The following RBM44 variants were observed in gnomAD, a reference collection of about 807,000 sequenced individuals.
RBM44 encodes RNA binding motif protein 44.
A neutral mutation model predicts 105.1 loss-of-function variants in RBM44; 66 were observed. The ratio of observed to expected loss-of-function variants is 0.63; its 90% CI spans 0.52 to 0.77. RBM44 has a LOEUF of 0.77. RBM44 is among the 30% of genes least tolerant of loss of function. The pLI is 0.00. For synonymous variants in RBM44, 365 were observed against 417.6 expected (o/e 0.87, Z 1.54); for missense variants, 1,122 against 1,207.8 (o/e 0.93, Z 1.05).
intron 8 of RBM44, among the ~76,000 whole-genome samples, chr2:237,822,481 G>A (rs1647753275): frequency 6.6e-6 from 1 of 152,034 alleles, no homozygotes; most frequent in African/African-American, 2.4e-5. Flanking sequence ...CTGCTTTTCT[G>A]ACCTTGGTTT....
intron 1 of RBM44, among the ~76,000 whole-genome samples, chr2:237,807,221 T>G (rs1436117206): frequency 6.6e-6 from 1 of 152,214 alleles, no homozygotes; most frequent in Non-Finnish European, 1.5e-5. Flanking sequence ...CAATCTTGGC[T>G]CACTGCAACC....
chr2:237,817,949 A>G lies in RBM44; in HGVS notation c.1030A>G (p.Asn344Asp). ...AAATGAAGGTAAAGATTTTTGTGGA[A>G]ATAAAATTGTTGAGAACAAAATATT... ...QINEGKDFCG[N>D]KIVENKILLH... Residue 344 changes from asparagine (N) to aspartate (D), a missense_variant, in exon 3 of 16, where the codon AAT (asparagine) becomes GAT (aspartate). Asn to Asp is a conservative substitution (Grantham distance 23). Transcript: ENST00000316997. 1 of 1,603,552 alleles carries G rather than the reference A, an allele frequency of 6.2e-7. No homozygotes were observed. Among genetic ancestry groups the G allele is most frequent in the Non-Finnish European group, 8.5e-7 (1 of 1,176,852 alleles).
intron 15 of RBM44, 106 bp downstream of exon 15, chr2:237,834,529 A>G (rs1390778616): frequency 9.2e-6 from 5 of 540,558 alleles, no homozygotes; most frequent in Non-Finnish European, 1.5e-5. Context: ...AAATAATAAT[A>G]TAATCACAAA....
chr2:237,838,772 A>G (rs1168129487), intron 15 of RBM44, among the ~76,000 whole-genome samples: 2 of 152,326 alleles, frequency 1.3e-5, no homozygotes, highest in South Asian at 2.1e-4. Context: ...GAAAAGGTAC[A>G]TAAGGTAAAG....
chr2:237,825,052 T>A (rs963804950), intron 10 of RBM44, among the ~76,000 whole-genome samples: 44 of 152,098 alleles, frequency 2.9e-4, no homozygotes, highest in Admixed American at 1.8e-3. Flanking sequence ...ATGGTTTTTT[T>A]AATAAAATTT....
At chr2:237,810,824 AG>A (rs2061651444) in intron 1 of RBM44, among the ~76,000 whole-genome samples, 1 of 152,250 alleles carries the variant, frequency 6.6e-6, no homozygotes, top group Non-Finnish European at 1.5e-5. Context: ...GATGCTTAGG[AG>A]GATCTGAGGG....
At chr2:237,836,659 A>C (rs1305458417) in intron 15 of RBM44, among the ~76,000 whole-genome samples, 1 of 151,944 alleles carries the variant, frequency 6.6e-6, no homozygotes, top group Admixed American at 6.6e-5. Context: ...GTGCACCTAT[A>C]GTCCCAGCTA....
chr2:237,822,626 T>C (rs1460156427), intron 8 of RBM44, among the ~76,000 whole-genome samples: 1 of 152,088 alleles, frequency 6.6e-6, no homozygotes, highest in Non-Finnish European at 1.5e-5. Flanking sequence ...TTAAAAAATC[T>C]CAGTTATCCA....
chr2:237,799,597 C>T (rs546286901), intron 1 of RBM44, among the ~76,000 whole-genome samples: 2 of 152,058 alleles, frequency 1.3e-5, no homozygotes, highest in Admixed American at 6.6e-5. Flanking sequence ...TGAGCCACCG[C>T]GCCCGGCCAG....
Position 237,803,320 on chromosome 2 carries a change from TACTC to T in RBM44, c.-19+4460_-19+4463del, listed in dbSNP as rs768868519. ...AGAGCGAGACACACACACACACACA[TACTC>T]TCTCTCTCACACACACACACATACT... On this transcript the variant is annotated intron_variant, in intron 1 of 15. Coordinates refer to ENST00000316997, the MANE Select transcript of RBM44 (RefSeq NM_001080504.3). The surrounding 1 kb of genome is among the most constrained non-coding windows in gnomAD (Gnocchi z 4.2). Among the ~76,000 whole-genome samples the T allele has an allele frequency of 5.4e-5, 8 of 148,076 alleles. No individual in the cohort carries two copies. The South Asian group carries it at 6.4e-4, about 12-fold the overall frequency.
chr2:237,837,647 A>G (rs2061973075), intron 15 of RBM44, among the ~76,000 whole-genome samples: 1 of 151,860 alleles, frequency 6.6e-6, no homozygotes, highest in African/African-American at 2.4e-5. Flanking sequence ...CTTATTGTGG[A>G]TAAGCAAAGA....
chr2:237,802,188 C>G (rs1246814605), intron 1 of RBM44, among the ~76,000 whole-genome samples: 3 of 152,172 alleles, frequency 2.0e-5, no homozygotes, highest in Non-Finnish European at 4.4e-5. Flanking sequence ...TAGGTTAAGT[C>G]TTGTATGTTT....
intron 2 of RBM44, among the ~76,000 whole-genome samples, chr2:237,816,430 C>G (rs1329361798): frequency 6.6e-6 from 1 of 152,114 alleles, no homozygotes; most frequent in Non-Finnish European, 1.5e-5. Context: ...ATTTTACAAA[C>G]AGTGGCTGCC....
Position 237,823,626 on chromosome 2 carries a change from TA to T in RBM44, c.2320+73del, listed in dbSNP as rs1188798100. ...TAAGGTTTAAAGTATTGGTAGTGTT[TA>T]TTCATTAAATAAAAATAAATTTTCT... On this transcript the variant is annotated intron_variant, in intron 9 of 15. Coordinates refer to ENST00000316997, the MANE Select transcript of RBM44 (RefSeq NM_001080504.3). 6 of 665,148 alleles carry T rather than the reference TA, an allele frequency of 9.0e-6. No individual in the cohort carries two copies. The Admixed American group carries it at 1.6e-4, about 17-fold the overall frequency. The allele number at this position is 665,148 out of a possible 1,614,324, so 41.2% of individuals were successfully genotyped here. A position where few individuals can be genotyped will look rare whatever the true frequency, so the allele number is the denominator to read the frequency against.
intron 13 of RBM44, among the ~76,000 whole-genome samples, chr2:237,832,226 C>T (rs1357835111): frequency 6.6e-6 from 1 of 151,574 alleles, no homozygotes; most frequent in Non-Finnish European, 1.5e-5. Context: ...ACAACCACAG[C>T]TCACTGTAGC....
intron 4 of RBM44, among the ~76,000 whole-genome samples, chr2:237,819,476 C>T (rs2061759901): frequency 6.6e-6 from 1 of 151,968 alleles, no homozygotes; most frequent in Non-Finnish European, 1.5e-5. Context: ...ACTCTGAGGT[C>T]ATTTACTTTT....
rs776314637 is a variant in RBM44 at position 237,821,202 on chromosome 2, C to T, written c.2045C>T (p.Pro682Leu). Residue 682 changes from proline (P) to leucine (L), a missense_variant, in exon 6 of 16, where the codon CCA (proline) becomes CTA (leucine). By Grantham distance (98) the Pro-to-Leu change is moderately conservative (BLOSUM62 -3). This residue lies in a region of RBM44 where 918 missense variants were observed against 955.3 expected (regional missense o/e 0.96). Coordinates refer to ENST00000316997, the MANE Select transcript of RBM44 (RefSeq NM_001080504.3). ...HKGIPLEELP[P>L]LSLESKLLST... ...GGCATACCACTGGAAGAGCTGCCCC[C>T]ACTGTCACTAGAATCAAAATTATTA... is the stretch of plus-strand genomic sequence containing the variant. The T allele has an allele frequency of 1.2e-6, 2 of 1,610,090 alleles. No individual in the cohort carries two copies. The highest frequency in any genetic ancestry group is 1.3e-5 in the African/African-American group (1 of 74,834).
At chr2:237,826,307 ATCTC>A (rs1411664713) in intron 10 of RBM44, among the ~76,000 whole-genome samples, 6 of 152,114 alleles carry the variant, frequency 3.9e-5, no homozygotes, top group African/African-American at 1.4e-4. Context: ...AGTAATTTGA[ATCTC>A]TATTCAGTGG....
At chr2:237,801,453 T>A (rs2150964725) in intron 1 of RBM44, among the ~76,000 whole-genome samples, 1 of 152,292 alleles carries the variant, frequency 6.6e-6, no homozygotes, top group African/African-American at 2.4e-5. Flanking sequence ...GCTTCCCAAG[T>A]AGCTGGGAAC....
Sources: allele counts gnomAD v4.1 joint callset (sites outside exome capture counted in the v4.1 genomes callset), GRCh38; gene constraint gnomAD v4.1.1; regional missense constraint gnomAD v4.1.1; non-coding constraint Gnocchi (gnomAD v3.1); transcripts MANE v1.5; gene names NCBI Gene and HGNC (gene_info 2026-07-23, HGNC 2026-07-21).